Variants in CDH18 observed in about 807,000 individuals in gnomAD.
CDH18 encodes the protein cadherin 18.
Under a neutral mutation model 67.9 loss-of-function variants are expected in CDH18, and 31 were observed. The observed-to-expected ratio is 0.46, with a 90% CI of 0.34 to 0.62. The LOEUF is 0.62. Ranked by LOEUF, CDH18 falls within the 20% of genes least tolerant of loss-of-function variation. CDH18 has a pLI of 0.01. For synonymous variants in CDH18, 362 were observed against 347.2 expected (o/e 1.04, Z -0.48); for missense variants, 890 against 975.5 (o/e 0.91, Z 1.17).
chr5:20,292,307 G>C (rs962300221), intron 1 of CDH18, among the ~76,000 whole-genome samples: 1 of 152,144 alleles, frequency 6.6e-6, no homozygotes, highest in African/African-American at 2.4e-5. Flanking sequence ...CTGCTGTTTT[G>C]CTTTTAGCAA....
At chr5:20,127,101 A>C (rs1469235194) in intron 2 of CDH18, among the ~76,000 whole-genome samples, 1 of 152,158 alleles carries the variant, frequency 6.6e-6, no homozygotes, top group Admixed American at 6.5e-5. Flanking sequence ...AGGACCTGAC[A>C]GGAGTTGATT....
At chr5:19,719,660 T>A (rs1765756375) in intron 5 of CDH18, among the ~76,000 whole-genome samples, 1 of 151,960 alleles carries the variant, frequency 6.6e-6, no homozygotes, top group African/African-American at 2.4e-5. Flanking sequence ...CCTGCAGGTC[T>A]CATACTCATT....
At chr5:20,063,087 T>A (rs1463064030) in intron 2 of CDH18, among the ~76,000 whole-genome samples, 1 of 150,922 alleles carries the variant, frequency 6.6e-6, no homozygotes, top group African/African-American at 2.4e-5. Context: ...ATGTCTTTGA[T>A]CAAATACTTT....
At chr5:19,514,451 C>T (rs1745625720) in intron 10 of CDH18, among the ~76,000 whole-genome samples, 2 of 152,350 alleles carry the variant, frequency 1.3e-5, no homozygotes, top group South Asian at 4.1e-4. Context: ...AACTAGTTTA[C>T]ATTCCCATCA....
intron 3 of CDH18, among the ~76,000 whole-genome samples, chr5:19,799,250 A>C (rs1193866863): frequency 6.6e-6 from 1 of 152,080 alleles, no homozygotes. Context: ...GGCTGGGGGA[A>C]GGGAGAAATG....
intron 2 of CDH18, among the ~76,000 whole-genome samples, chr5:20,105,266 C>T (rs1746827613): frequency 6.6e-6 from 1 of 152,154 alleles, no homozygotes; most frequent in South Asian, 2.1e-4. Flanking sequence ...GGATTATAGG[C>T]ATGAGCTACT....
In CDH18 at chr5:19,504,532, T is replaced by C. The variant is rs529962823; in HGVS notation, c.1513-1423A>G. 7.9e-5 allele frequency among the ~76,000 whole-genome samples: 12 copies of C among 152,204 alleles called. No individual in the cohort carries two copies. In the East Asian group the frequency reaches 1.9e-3, roughly 24 times the overall value. ...AGATATATTGTAAAAATTCCAGTGC[T>C]GCCTCATCTGAGGAACATATATACA... On this transcript the variant is annotated intron_variant, in intron 10 of 12. Transcript: ENST00000382275.
intron 2 of CDH18, among the ~76,000 whole-genome samples, chr5:19,891,264 A>C (rs1788758375): frequency 6.6e-6 from 1 of 152,134 alleles, no homozygotes; most frequent in Non-Finnish European, 1.5e-5. Context: ...TTCACTTTCT[A>C]ACATCAGTAT....
chr5:20,437,391 C>T (rs1485111396), intron 1 of CDH18, among the ~76,000 whole-genome samples: 1 of 151,044 alleles, frequency 6.6e-6, no homozygotes, highest in Non-Finnish European at 1.5e-5. Flanking sequence ...TTCTTTTGTA[C>T]TACAGAGAAA....
intron 2 of CDH18, among the ~76,000 whole-genome samples, chr5:20,188,487 C>G (rs1329705066): frequency 6.6e-6 from 1 of 151,926 alleles, no homozygotes; most frequent in African/African-American, 2.4e-5. Flanking sequence ...TTGTCATCAT[C>G]ATCATCATTA....
At chr5:20,270,242 A>G (rs974840327) in intron 1 of CDH18, among the ~76,000 whole-genome samples, 2 of 152,156 alleles carry the variant, frequency 1.3e-5, no homozygotes, top group African/African-American at 2.4e-5. Context: ...AGCTAGCTAT[A>G]AAACTTTTTG....
intron 2 of CDH18, among the ~76,000 whole-genome samples, chr5:20,119,815 G>A (rs1164729167): frequency 4.6e-5 from 7 of 151,936 alleles, no homozygotes; most frequent in Admixed American, 3.9e-4. Flanking sequence ...AAAACATCTA[G>A]TGAGATTTAT....
At chr5:19,474,870 C>T (rs1440516997) in intron 12 of CDH18, among the ~76,000 whole-genome samples, 1 of 151,940 alleles carries the variant, frequency 6.6e-6, no homozygotes, top group Non-Finnish European at 1.5e-5. Context: ...TTGCTTTGGC[C>T]ATTTATCAAT....
At chr5:20,412,702 G>A (rs1405520453) in intron 1 of CDH18, among the ~76,000 whole-genome samples, 2 of 152,154 alleles carry the variant, frequency 1.3e-5, no homozygotes, top group Non-Finnish European at 2.9e-5. Context: ...CTCAAAAGAA[G>A]ACGTACACAC....
chr5:20,097,355 G>C (rs960654545), intron 2 of CDH18, among the ~76,000 whole-genome samples: 10 of 152,104 alleles, frequency 6.6e-5, no homozygotes, highest in Non-Finnish European at 1.0e-4. Context: ...GGAAGGTGAA[G>C]GAAGAGCAAA....
At chr5:19,625,862 C>T (rs1252325299) in intron 5 of CDH18, among the ~76,000 whole-genome samples, 2 of 152,056 alleles carry the variant, frequency 1.3e-5, no homozygotes, top group East Asian at 1.9e-4. Flanking sequence ...ATTCAAACAA[C>T]GAGGCAGAAA....
rs139540260 is a variant in CDH18 at position 19,744,031 on chromosome 5, T to C, written c.523+2911A>G. Among the ~76,000 whole-genome samples, 208 of 152,004 alleles carry C rather than the reference T, an allele frequency of 1.4e-3. 1 individual carries two copies. The highest frequency in any genetic ancestry group is 4.8e-3 in the African/African-American group (198 of 41,462). On this transcript the variant is annotated intron_variant, in intron 4 of 12. Transcript: ENST00000382275. ...CTCCCTCCACTTTCATATCATCCTCTATGCATTCATGTTACAATATCTATT... is the reference window on the plus strand; with the variant it reads ...CTCCCTCCACTTTCATATCATCCTCCATGCATTCATGTTACAATATCTATT...
intron 1 of CDH18, among the ~76,000 whole-genome samples, chr5:20,345,179 T>C (rs1222106092): frequency 1.3e-5 from 2 of 152,134 alleles, no homozygotes; most frequent in South Asian, 4.1e-4. Context: ...ATCTAATAGA[T>C]CCTTTGGGAG....
intron 1 of CDH18, among the ~76,000 whole-genome samples, chr5:20,397,609 CT>C (rs1326925607): frequency 1.3e-5 from 2 of 152,074 alleles, no homozygotes; most frequent in African/African-American, 4.8e-5. Context: ...TGATCATGTA[CT>C]TTTTAGACTA....
Sources: gnomAD v4.1 joint callset for allele counts (sites outside exome capture counted in the v4.1 genomes callset) on GRCh38, gnomAD v4.1.1 for gene constraint, MANE v1.5 for transcripts, NCBI Gene and HGNC (gene_info 2026-07-23, HGNC 2026-07-21) for gene names.